Variants in NCK2 observed in about 807,000 individuals in gnomAD.
NCK2 encodes the protein cytoplasmic protein NCK2.
NCK2 carries 16 observed loss-of-function variants against 33.9 expected under a neutral mutation model. The ratio of observed to expected loss-of-function variants is 0.47; its 90% CI spans 0.32 to 0.72. The LOEUF (loss-of-function observed/expected upper bound fraction) is 0.72, where lower values mean the gene tolerates loss of function less well. Ranked by LOEUF, NCK2 falls within the 30% of genes least tolerant of loss-of-function variation. NCK2 has a pLI of 0.03. For synonymous variants in NCK2, 273 were observed against 239.9 expected, an observed-to-expected ratio of 1.14 and a Z score of -1.27; for missense variants, 418 against 537.3, an observed-to-expected ratio of 0.78 and a Z score of 2.19.
At chr2:105,791,058 A>G (rs1247798233) in intron 1 of NCK2, among the ~76,000 whole-genome samples, 1 of 152,144 alleles carries the variant, frequency 6.6e-6, no homozygotes, top group Non-Finnish European at 1.5e-5. Flanking sequence ...GGCTCTGGAA[A>G]TGCCCATGAG....
At chr2:105,849,029 A>G (rs1676959878) in intron 2 of NCK2, among the ~76,000 whole-genome samples, 1 of 152,188 alleles carries the variant, frequency 6.6e-6, no homozygotes, top group Non-Finnish European at 1.5e-5. Context: ...TTTCAAGTTA[A>G]TATCCTGGAA....
chr2:105,770,564 G>A (rs1690101010), intron 1 of NCK2, among the ~76,000 whole-genome samples: 1 of 152,146 alleles, frequency 6.6e-6, no homozygotes, highest in Non-Finnish European at 1.5e-5. Context: ...TAGAATATCT[G>A]TCATTTTTAG....
chr2:105,835,968 T>G (rs377412528), intron 2 of NCK2, among the ~76,000 whole-genome samples: 2 of 151,116 alleles, frequency 1.3e-5, no homozygotes, highest in East Asian at 3.9e-4. Flanking sequence ...GTTCCAAGAC[T>G]TTTTGTGATA....
intron 2 of NCK2, among the ~76,000 whole-genome samples, chr2:105,839,430 C>A (rs1234177445): frequency 6.6e-6 from 1 of 152,000 alleles, no homozygotes; most frequent in Non-Finnish European, 1.5e-5. Context: ...ATTTTGAAGG[C>A]AAGTCTGTGG....
At chr2:105,767,311 A>G (rs1467140353) in intron 1 of NCK2, among the ~76,000 whole-genome samples, 6 of 152,250 alleles carry the variant, frequency 3.9e-5, no homozygotes, top group Admixed American at 2.0e-4. Context: ...ATATGAGCTT[A>G]GAAGCCTAAC....
At chr2:105,845,540 T>G (rs764357743) in intron 2 of NCK2, among the ~76,000 whole-genome samples, 4 of 151,888 alleles carry the variant, frequency 2.6e-5, no homozygotes, top group African/African-American at 4.8e-5. Context: ...ATTACAGGCA[T>G]GTACCAGCAT....
In NCK2 at chr2:105,851,867, C is replaced by T. The variant is rs144603831; in HGVS notation, c.-16-3181C>T. 521 of 152,340 alleles carry T rather than the reference C, an allele frequency of 3.4e-3. 3 individuals are homozygous for T. Among genetic ancestry groups the T allele is most frequent in the Middle Eastern group, 0.024 (7 of 294 alleles). 9.4% of individuals were successfully genotyped at this position (152,340 alleles called of 1,614,324 possible). On this transcript the variant is annotated intron_variant, in intron 2 of 4. Transcript: ENST00000233154. ...GCGTCAGTGCAGTAAGTGAGCGAGC[C>T]GGACGTCGATTGACTGGTCTTCAGA... is the stretch of plus-strand genomic sequence containing the variant.
At chr2:105,859,132 G>C (rs1677411127) in intron 3 of NCK2, among the ~76,000 whole-genome samples, 1 of 152,204 alleles carries the variant, frequency 6.6e-6, no homozygotes, top group African/African-American at 2.4e-5. Context: ...TACATCTTTT[G>C]AGATGGGGAA....
At chr2:105,848,075 T>A (rs566797728) in intron 2 of NCK2, among the ~76,000 whole-genome samples, 13 of 152,242 alleles carry the variant, frequency 8.5e-5, no homozygotes, top group African/African-American at 1.7e-4. Context: ...GTGAACCTTA[T>A]GTTCAAGCCA....
chr2:105,792,745 T>C (rs375611334), intron 1 of NCK2, among the ~76,000 whole-genome samples: 4 of 152,292 alleles, frequency 2.6e-5, no homozygotes, highest in East Asian at 1.9e-4. Context: ...AGAGCCAGTC[T>C]GGTGCGATTT....
chr2:105,891,844 G>A (rs935502810), intron 4 of NCK2, among the ~76,000 whole-genome samples: 5 of 151,954 alleles, frequency 3.3e-5, no homozygotes, highest in African/African-American at 4.8e-5. Flanking sequence ...ACTGCACCTG[G>A]CCAATAAAAG....
At chr2:105,755,716 A>G (rs138197393) in intron 1 of NCK2, among the ~76,000 whole-genome samples, 1 of 151,422 alleles carries the variant, frequency 6.6e-6, no homozygotes, top group Admixed American at 6.6e-5. Context: ...ATGCCTATAA[A>G]TTCGTGGTTC....
chr2:105,757,363 T>C (rs982040182), intron 1 of NCK2, among the ~76,000 whole-genome samples: 1 of 152,194 alleles, frequency 6.6e-6, no homozygotes, highest in Non-Finnish European at 1.5e-5. Flanking sequence ...ATTAGGGATT[T>C]TTTTTTCTTC....
At chr2:105,750,105 A>G in intron 1 of NCK2, among the ~76,000 whole-genome samples, 1 of 150,982 alleles carries the variant, frequency 6.6e-6, no homozygotes, top group East Asian at 2.0e-4. Context: ...AAAGCTGCAG[A>G]CATTTATTTT....
intron 2 of NCK2, among the ~76,000 whole-genome samples, chr2:105,849,537 G>GC (rs1214882907): frequency 6.6e-6 from 1 of 152,194 alleles, no homozygotes; most frequent in South Asian, 2.1e-4. Context: ...AAACCAGGTG[G>GC]CTGAAGCCTA....
At chr2:105,749,201 C>T (rs1399036421) in intron 1 of NCK2, among the ~76,000 whole-genome samples, 1 of 152,182 alleles carries the variant, frequency 6.6e-6, no homozygotes, top group Non-Finnish European at 1.5e-5. Context: ...CGTTTGTGAT[C>T]CTGGCCTGGT....
chr2:105,777,905 A>G (rs1690365624), intron 1 of NCK2, among the ~76,000 whole-genome samples: 1 of 152,182 alleles, frequency 6.6e-6, no homozygotes, highest in South Asian at 2.1e-4. Flanking sequence ...TTCCAGCAGC[A>G]GCACCTTGGT....
At chr2:105,890,606 GTTTGT>G (rs564453561) in intron 4 of NCK2, among the ~76,000 whole-genome samples, 1 of 152,150 alleles carries the variant, frequency 6.6e-6, no homozygotes, top group Non-Finnish European at 1.5e-5. Context: ...CGCCTCAAAG[GTTTGT>G]TCTTATTTGG....
chr2:105,771,873 T>C (rs1237096437), intron 1 of NCK2, among the ~76,000 whole-genome samples: 1 of 152,218 alleles, frequency 6.6e-6, no homozygotes, highest in Non-Finnish European at 1.5e-5. Context: ...CTCAGATCTA[T>C]ATTTTTCTCC....
Sources: gnomAD v4.1 joint callset for allele counts (sites outside exome capture counted in the v4.1 genomes callset) on GRCh38, gnomAD v4.1.1 for gene constraint, MANE v1.5 for transcripts, NCBI Gene and HGNC (gene_info 2026-07-23, HGNC 2026-07-21) for gene names.